ENY2: variants seen among roughly 807,000 people sequenced by gnomAD.
ENY2 encodes ENY2 transcription and export complex 2 subunit, also known as transcription and mRNA export factor ENY2.
ENY2 carries 4 observed loss-of-function variants against 15.9 expected under a neutral mutation model. The observed-to-expected ratio is 0.25, with a 90% confidence interval of 0.12 to 0.57. The LOEUF is 0.57. Among genes scored for constraint, ENY2 ranks in the 20% least tolerant of loss-of-function variants. The pLI, the probability that ENY2 is intolerant of heterozygous loss-of-function variation, is 0.91. For synonymous variants in ENY2, 48 were observed against 38.0 expected (o/e 1.26, Z -0.97); for missense variants, 54 against 117.2 (o/e 0.46, Z 2.49).
intron 3 of ENY2, among the ~76,000 whole-genome samples, chr8:109,340,065 A>G (rs1292561069): frequency 1.3e-5 from 2 of 152,128 alleles, no homozygotes; most frequent in Non-Finnish European, 2.9e-5. Flanking sequence ...TCAGGGCTGG[A>G]TGACTTATTT....
intron 1 of ENY2, 183 bp downstream of exon 1, chr8:109,334,657 G>A (rs372214334): frequency 1.6e-6 from 1 of 635,942 alleles, no homozygotes; most frequent in Non-Finnish European, 2.6e-6. Context: ...CTCCTCTCCC[G>A]CCTCTCCCGC....
intron 2 of ENY2, among the ~76,000 whole-genome samples, chr8:109,337,398 G>A (rs1280770116): frequency 1.3e-5 from 2 of 151,618 alleles, no homozygotes; most frequent in Non-Finnish European, 2.9e-5. Flanking sequence ...GCAGCTTCAA[G>A]TTACTGAGTT....
At chr8:109,334,607 G>A in intron 1 of ENY2, 133 bp downstream of exon 1, 1 of 1,115,248 alleles carries the variant, frequency 9.0e-7, no homozygotes, top group Non-Finnish European at 1.2e-6. Flanking sequence ...CGTGCTACCG[G>A]AGTTGGCCTG....
In ENY2 at chr8:109,343,567, C is replaced by A. The variant is rs1316917967; in HGVS notation, c.*86C>A. ...GAAAACAATTTCCCAAAATAAAATC[C>A]TTTTTTGTATGATGGTATACAGTTT... On this transcript the variant is annotated 3_prime_UTR_variant, in exon 5 of 5. Coordinates refer to ENST00000521688, the MANE Select transcript of ENY2 (RefSeq NM_020189.6). 1 of 1,276,788 alleles carries A rather than the reference C, an allele frequency of 7.8e-7. No homozygotes were observed. The highest frequency in any genetic ancestry group is 2.4e-5 in the East Asian group (1 of 42,260). The allele number at this position is 1,276,788 out of a possible 1,614,324, so 79.1% of individuals were successfully genotyped here.
At chr8:109,336,247 T>C in intron 2 of ENY2, 43 bp downstream of exon 2, 1 of 1,471,626 alleles carries the variant, frequency 6.8e-7, no homozygotes, top group Non-Finnish European at 9.4e-7. Context: ...TCACCGCCTT[T>C]AATAGTTAGC....
chr8:109,335,897 A>G (rs1815968639), intron 1 of ENY2: 4 of 345,474 alleles, frequency 1.2e-5, no homozygotes, highest in Admixed American at 4.6e-5. Context: ...ATATGTAACA[A>G]TACGTTCTGG....
At chr8:109,334,532 G>A (rs1200422935) in intron 1 of ENY2, 58 bp downstream of exon 1, 3 of 1,582,898 alleles carry the variant, frequency 1.9e-6, no homozygotes, top group East Asian at 4.6e-5. Context: ...GGCTCCTTTC[G>A]ATGTACTGTC....
rs772551888 is a variant in ENY2 at position 109,345,546 on chromosome 8, T to C, written c.*2065T>C. Reference sequence around the variant, plus strand: ...GTTTTTTGTTTCACTTCATCTCTTATAAAACAATGTTCTAAAGTAAGTGAT... The same window carrying C: ...GTTTTTTGTTTCACTTCATCTCTTACAAAACAATGTTCTAAAGTAAGTGAT... On this transcript the variant is annotated 3_prime_UTR_variant, in exon 5 of 5. Coordinates refer to ENST00000521688, the MANE Select transcript of ENY2 (RefSeq NM_020189.6). The C allele has an allele frequency of 2.0e-5, 3 of 152,150 alleles. No homozygotes were observed. Among genetic ancestry groups the C allele is most frequent in the African/African-American group, 4.8e-5 (2 of 41,416 alleles). 9.4% of individuals were successfully genotyped at this position (152,150 alleles called of 1,614,324 possible).
At chr8:109,339,279 G>A (rs1455409432) in intron 2 of ENY2, 41 bp from the exon 3 acceptor site, 9 of 1,575,834 alleles carry the variant, frequency 5.7e-6, no homozygotes, top group East Asian at 2.2e-5. Flanking sequence ...TGTCTAAGAT[G>A]TTATACATTG....
At position 109,339,395 on chromosome 8, in the gene ENY2, T is replaced by A. The variant is rs1439277542; in HGVS notation, c.154+5T>A. The A allele has an allele frequency of 6.2e-7, 1 of 1,613,316 alleles. No homozygotes were observed. The highest frequency in any genetic ancestry group is 1.7e-5 in the Admixed American group (1 of 60,014). On this transcript the variant is annotated splice_donor_5th_base_variant and intron_variant, in intron 3 of 4. Coordinates refer to ENST00000521688, the MANE Select transcript of ENY2 (RefSeq NM_020189.6). ...AGTTGAAGGCACACTGTAAAGGTAA[T>A]CAGTTTCATTTGGAAGATAAACTAA...
At chr8:109,339,501 T>TA in intron 3 of ENY2, 111 bp downstream of exon 3, 1 of 870,486 alleles carries the variant, frequency 1.1e-6, no homozygotes, top group Non-Finnish European at 1.8e-6. Context: ...TTTAAACAAA[T>TA]ATGGAATTTA....
intron 1 of ENY2, chr8:109,334,719 C>A: frequency 1.8e-6 from 1 of 541,768 alleles, no homozygotes; most frequent in Non-Finnish European, 3.2e-6. Context: ...GGGAGGGATA[C>A]CCTAGCGCCC....
At position 109,334,395 on chromosome 8, in the gene ENY2, A is replaced by G. The variant is rs1331237152; in HGVS notation, c.-74A>G. The G allele has an allele frequency of 6.2e-7, 1 of 1,609,882 alleles. No homozygotes were observed. Among genetic ancestry groups the G allele is most frequent in the Non-Finnish European group, 8.5e-7 (1 of 1,177,482 alleles). On this transcript the variant is annotated 5_prime_UTR_variant, in exon 1 of 5. Transcript: ENST00000521688. ...TGAGGGTCTAAGTCCGGGCAGCCGA[A>G]GAGTGTGGTAGGTAACGGTCCTCAG...
chr8:109,342,156 A>C (rs2980577), intron 4 of ENY2, among the ~76,000 whole-genome samples: 26,495 of 141,576 alleles, frequency 0.19, 2,671 homozygotes, highest in East Asian at 0.35. Flanking sequence ...GTTTTAGTTA[A>C]CCCCCCCCTT....
At chr8:109,334,543 T>G in intron 1 of ENY2, 69 bp downstream of exon 1, 1 of 1,548,360 alleles carries the variant, frequency 6.5e-7, no homozygotes, top group Non-Finnish European at 8.7e-7. Flanking sequence ...ATGTACTGTC[T>G]TTCGTTAGCG....
At chr8:109,340,661 G>T in intron 4 of ENY2, 98 bp downstream of exon 4, 6 of 1,490,804 alleles carry the variant, frequency 4.0e-6, no homozygotes. Flanking sequence ...TTAAGGAAAA[G>T]CACTACCTGT....
intron 4 of ENY2, among the ~76,000 whole-genome samples, chr8:109,342,514 C>CT (rs11316616): frequency 0.022 from 3,136 of 139,498 alleles, 126 homozygotes; most frequent in African/African-American, 0.078. Flanking sequence ...TATATATACC[C>CT]TTTTTTTTTT....
At chr8:109,335,948 C>T (rs1815971742) in intron 1 of ENY2, 180 bp from the exon 2 acceptor site, 7 of 500,002 alleles carry the variant, frequency 1.4e-5, no homozygotes, top group East Asian at 3.1e-5. Flanking sequence ...ACCCACACTG[C>T]ATTAGCCCAG....
rs1298849597 is a variant in ENY2, at chr8:109,344,830, T to G, written c.*1349T>G. 1 of 152,244 alleles carries G rather than the reference T, an allele frequency of 6.6e-6. No homozygotes were observed. The highest frequency in any genetic ancestry group is 2.4e-5 in the African/African-American group (1 of 41,466). 9.4% of individuals were successfully genotyped at this position (152,244 alleles called of 1,614,324 possible). On this transcript the variant is annotated 3_prime_UTR_variant, in exon 5 of 5. Coordinates refer to ENST00000521688, the MANE Select transcript of ENY2 (RefSeq NM_020189.6). ...AGATTATTGTAGTAGACTTAGTATT[T>G]CTTTGCCTTAGTTGATCTGTGACCC...
Sources: gnomAD v4.1 joint callset for allele counts (sites outside exome capture counted in the v4.1 genomes callset) on GRCh38, gnomAD v4.1.1 for gene constraint, MANE v1.5 for transcripts, NCBI Gene and HGNC (gene_info 2026-07-23, HGNC 2026-07-21) for gene names.